Variants in ZNF676 observed in about 807,000 individuals in gnomAD.
ZNF676 encodes the protein zinc finger protein 676.
ZNF676 carries 4 observed loss-of-function variants against 6.0 expected under a neutral mutation model. The ratio of observed to expected loss-of-function variants is 0.67; its 90% CI spans 0.33 to 1.53. ZNF676 has a LOEUF of 1.53. ZNF676 is among the 40% of genes most tolerant of loss of function. The pLI is 0.06. For missense variants in ZNF676, 644 were observed against 679.7 expected, an observed-to-expected ratio of 0.95 and a Z score of 0.58; for synonymous variants, 198 against 223.1, an observed-to-expected ratio of 0.89 and a Z score of 1.00.
chr19:22,255,567 T>C, the ZNF676 span, among the ~76,000 whole-genome samples: 57 of 152,270 alleles, frequency 3.7e-4, no homozygotes, highest in Admixed American at 9.2e-4. Context: ...TTGCTATCAC[T>C]GGGTGCAGTG....
At chr19:22,258,952 A>C in the ZNF676 span, among the ~76,000 whole-genome samples, 1 of 152,144 alleles carries the variant, frequency 6.6e-6, no homozygotes. Context: ...TGGGGACTTT[A>C]TCTCTGCATG....
the ZNF676 span, among the ~76,000 whole-genome samples, chr19:22,257,558 G>A: frequency 7.2e-5 from 11 of 152,122 alleles, no homozygotes; most frequent in Non-Finnish European, 1.0e-4. Flanking sequence ...TGTCCCTGGG[G>A]GCAGAGCCCA....
chr19:22,185,752 C>T (rs1258044492), intron 2 of ZNF676, among the ~76,000 whole-genome samples: 1 of 151,978 alleles, frequency 6.6e-6, no homozygotes, highest in Non-Finnish European at 1.5e-5. Flanking sequence ...GTATCAATAG[C>T]TGAATCGATA....
At chr19:22,242,849 G>C in the ZNF676 span, among the ~76,000 whole-genome samples, 2 of 151,610 alleles carry the variant, frequency 1.3e-5, no homozygotes, top group African/African-American at 2.4e-5. Flanking sequence ...AAGTTGGGGG[G>C]GGGCTCTCAT....
the ZNF676 span, among the ~76,000 whole-genome samples, chr19:22,250,321 T>C: frequency 2.0e-5 from 3 of 152,074 alleles, no homozygotes; most frequent in Admixed American, 2.0e-4. Context: ...TTGAATAAAC[T>C]ACAAGAAAAA....
At chr19:22,229,797 A>G in the ZNF676 span, among the ~76,000 whole-genome samples, 3 of 152,232 alleles carry the variant, frequency 2.0e-5, no homozygotes, top group African/African-American at 7.2e-5. Flanking sequence ...AATCACAATG[A>G]GATACCATCT....
the ZNF676 span, among the ~76,000 whole-genome samples, chr19:22,223,902 T>C: frequency 6.6e-6 from 1 of 152,046 alleles, no homozygotes; most frequent in African/African-American, 2.4e-5. Flanking sequence ...AGCAGTTTCA[T>C]TTTGTGTAAG....
chr19:22,207,153 T>C (rs1265286907), intron 1 of ZNF676, among the ~76,000 whole-genome samples: 1 of 152,168 alleles, frequency 6.6e-6, no homozygotes, highest in African/African-American at 2.4e-5. Context: ...GAAGTCAAAC[T>C]ATCCCTATTT....
At chr19:22,208,596 C>T (rs1158330286) in intron 1 of ZNF676, among the ~76,000 whole-genome samples, 1 of 152,162 alleles carries the variant, frequency 6.6e-6, no homozygotes, top group African/African-American at 2.4e-5. Flanking sequence ...GTACTATTCA[C>T]AATAGCAAAG....
Position 22,196,674 on chromosome 19 carries a change from T to C in ZNF676, c.-41A>G, listed in dbSNP as rs747803371. On this transcript the variant is annotated 5_prime_UTR_variant, in exon 1 of 3. Coordinates refer to ENST00000397121, the MANE Select transcript of ZNF676 (RefSeq NM_001001411.3). ...ATTCTGCTGTGTAGAATCCAGGCAT[T>C]GCCACTCCTCCAGAGAGAATTCTAT... 5 of 1,613,196 alleles carry C rather than the reference T, an allele frequency of 3.1e-6. No individual in the cohort carries two copies. The highest frequency in any genetic ancestry group is 3.3e-5 in the Admixed American group (2 of 59,940).
the ZNF676 span, among the ~76,000 whole-genome samples, chr19:22,253,071 C>CTGTGT: frequency 6.6e-6 from 1 of 152,168 alleles, no homozygotes; most frequent in African/African-American, 2.4e-5. Context: ...CTCCTACAGA[C>CTGTGT]TGTGTCCCTT....
upstream of ZNF676, among the ~76,000 whole-genome samples, chr19:22,218,842 A>G (rs1485251170): frequency 2.6e-5 from 4 of 152,046 alleles, no homozygotes; most frequent in Non-Finnish European, 5.9e-5. Context: ...TACCCATACA[A>G]TGCTGTTTTG....
chr19:22,250,847 G>A, the ZNF676 span, among the ~76,000 whole-genome samples: 292 of 152,154 alleles, frequency 1.9e-3, 1 homozygote, highest in African/African-American at 6.4e-3. Context: ...GAGTAACTGA[G>A]ACTACAGGTG....
the ZNF676 span, among the ~76,000 whole-genome samples, chr19:22,235,028 G>GAAAGAAAAGAAAAGA: frequency 1.6e-5 from 1 of 62,354 alleles, no homozygotes; most frequent in South Asian, 5.3e-4. Flanking sequence ...AAGAAAGAAA[G>GAAAGAAAAGAAAAGA]AAAGAAAAGA....
the ZNF676 span, among the ~76,000 whole-genome samples, chr19:22,256,033 A>G: frequency 3.9e-5 from 6 of 152,180 alleles, no homozygotes; most frequent in African/African-American, 1.4e-4. Context: ...ATGCAAGTCA[A>G]TCTCATCTGT....
the ZNF676 span, among the ~76,000 whole-genome samples, chr19:22,228,342 G>A: frequency 6.6e-6 from 1 of 152,270 alleles, no homozygotes; most frequent in South Asian, 2.1e-4. Flanking sequence ...ACTAAGTATT[G>A]ATGGAACATA....
chr19:22,199,511 T>C (rs2024003346), upstream of ZNF676, among the ~76,000 whole-genome samples: 1 of 152,204 alleles, frequency 6.6e-6, no homozygotes, highest in Non-Finnish European at 1.5e-5. Context: ...GATAGCACAT[T>C]ATGTGATTTA....
intron 2 of ZNF676, among the ~76,000 whole-genome samples, chr19:22,189,344 C>A (rs577919430): frequency 4.6e-4 from 70 of 152,110 alleles, no homozygotes; most frequent in African/African-American, 1.6e-3. Flanking sequence ...ACACCTTATA[C>A]AAAAATTAAC....
At chr19:22,224,986 C>A in the ZNF676 span, among the ~76,000 whole-genome samples, 32 of 151,888 alleles carry the variant, frequency 2.1e-4, no homozygotes, top group Non-Finnish European at 1.9e-4. Flanking sequence ...CAAAGTGAGA[C>A]CCTCTGTCAA....
Sources: gnomAD v4.1 joint callset for allele counts (sites outside exome capture counted in the v4.1 genomes callset) on GRCh38, gnomAD v4.1.1 for gene constraint, MANE v1.5 for transcripts, NCBI Gene and HGNC (gene_info 2026-07-23, HGNC 2026-07-21) for gene names.